Variants in TAMM41 observed in about 807,000 individuals in gnomAD.
TAMM41 encodes the protein TAM41 mitochondrial translocator assembly and maintenance homolog, also known as phosphatidate cytidylyltransferase, mitochondrial.
TAMM41 carries 36 observed loss-of-function variants against 44.1 expected under a neutral mutation model. That is an observed-to-expected ratio of 0.82 (90% confidence interval 0.63 to 1.08). The LOEUF is 1.08. TAMM41 is among the 50% of genes least tolerant of loss of function. The pLI is 0.00. For missense variants in TAMM41, 417 were observed against 404.3 expected, an observed-to-expected ratio of 1.03 and a Z score of -0.27; for synonymous variants, 164 against 153.1, an observed-to-expected ratio of 1.07 and a Z score of -0.53.
intron 2 of TAMM41, among the ~76,000 whole-genome samples, chr3:11,841,553 A>C (rs577963181): frequency 2.6e-5 from 4 of 152,360 alleles, no homozygotes; most frequent in Middle Eastern, 3.4e-3. Flanking sequence ...TCAATTAAAA[A>C]GTAGTCTTTT....
At chr3:11,766,889 A>C in the TAMM41 span, among the ~76,000 whole-genome samples, 1 of 152,040 alleles carries the variant, frequency 6.6e-6, no homozygotes. Flanking sequence ...TTTTAAATTA[A>C]GTTTTTTATT....
chr3:11,815,311 G>A (rs770511528), intron 5 of TAMM41, among the ~76,000 whole-genome samples: 1 of 152,184 alleles, frequency 6.6e-6, no homozygotes, highest in Non-Finnish European at 1.5e-5. Flanking sequence ...CGGCTGTGCA[G>A]TGAGCTAGAA....
the TAMM41 span, among the ~76,000 whole-genome samples, chr3:11,732,056 G>A: frequency 5.9e-5 from 9 of 151,938 alleles, no homozygotes; most frequent in Non-Finnish European, 1.5e-5. Flanking sequence ...TAGTGGAGGC[G>A]TGGTTTCGCC....
chr3:11,726,533 G>A, the TAMM41 span, among the ~76,000 whole-genome samples: 1 of 152,214 alleles, frequency 6.6e-6, no homozygotes, highest in Non-Finnish European at 1.5e-5. Context: ...CGGGTGCAGT[G>A]GCTCATGCCT....
At chr3:11,745,628 A>G in the TAMM41 span, among the ~76,000 whole-genome samples, 3 of 152,218 alleles carry the variant, frequency 2.0e-5, no homozygotes, top group Non-Finnish European at 4.4e-5. Flanking sequence ...TAGAGTAGTC[A>G]AATTCATAGA....
At chr3:11,803,470 T>C (rs2077814597) in intron 7 of TAMM41, among the ~76,000 whole-genome samples, 1 of 152,200 alleles carries the variant, frequency 6.6e-6, no homozygotes, top group Non-Finnish European at 1.5e-5. Context: ...TTGAAGGGAA[T>C]CTAAATTAGT....
intron 1 of TAMM41, chr3:11,845,226 T>G (rs1448909079): frequency 6.0e-6 from 2 of 333,696 alleles, no homozygotes; most frequent in Non-Finnish European, 1.2e-5. Context: ...GAATTAGATC[T>G]GAAGCCATGG....
At chr3:11,728,750 T>A in the TAMM41 span, among the ~76,000 whole-genome samples, 1 of 152,184 alleles carries the variant, frequency 6.6e-6, no homozygotes, top group African/African-American at 2.4e-5. Context: ...AACTCACGCC[T>A]GAAATCCCAG....
intron 4 of TAMM41, among the ~76,000 whole-genome samples, chr3:11,821,524 C>A (rs2078518878): frequency 6.6e-6 from 1 of 152,222 alleles, no homozygotes; most frequent in African/African-American, 2.4e-5. Context: ...GCTGTCAATA[C>A]AAATGAAGCT....
chr3:11,826,068 G>A (rs1286196223), intron 4 of TAMM41, among the ~76,000 whole-genome samples: 2 of 152,172 alleles, frequency 1.3e-5, no homozygotes, highest in Admixed American at 1.3e-4. Context: ...ATTCACAGCA[G>A]TGTTGCTAAT....
intron 7 of TAMM41, among the ~76,000 whole-genome samples, chr3:11,804,253 A>G (rs1183057586): frequency 6.6e-6 from 1 of 151,766 alleles, no homozygotes; most frequent in Non-Finnish European, 1.5e-5. Flanking sequence ...AGGTGTCAAG[A>G]AGATCTTTTT....
At chr3:11,818,427 CA>C (rs1336067289) in intron 4 of TAMM41, among the ~76,000 whole-genome samples, 4 of 152,140 alleles carry the variant, frequency 2.6e-5, no homozygotes, top group Non-Finnish European at 5.9e-5. Flanking sequence ...TTATTTGCCA[CA>C]ATGGATTTTC....
chr3:11,829,902 A>G (rs2078914350), intron 3 of TAMM41, 38 bp from the exon 4 acceptor site: 4 of 1,603,030 alleles, frequency 2.5e-6, no homozygotes, highest in African/African-American at 1.3e-5. Context: ...AAATTCCAGA[A>G]GTGGAGTATT....
chr3:11,743,354 G>A, the TAMM41 span, among the ~76,000 whole-genome samples: 1 of 141,352 alleles, frequency 7.1e-6, no homozygotes, highest in Admixed American at 7.1e-5. Flanking sequence ...TTTTTTTTAA[G>A]AGGAAGTCTC....
At chr3:11,740,058 T>C in the TAMM41 span, among the ~76,000 whole-genome samples, 2 of 151,562 alleles carry the variant, frequency 1.3e-5, no homozygotes, top group Non-Finnish European at 2.9e-5. Context: ...TTGGAGACTC[T>C]GGAAAACCAC....
intron 3 of TAMM41, 132 bp from the exon 4 acceptor site, chr3:11,829,996 C>G: frequency 1.2e-6 from 1 of 814,392 alleles, no homozygotes; most frequent in Non-Finnish European, 1.9e-6. Context: ...TCAGGTGACA[C>G]AAAATTGTTC....
intron 7 of TAMM41, among the ~76,000 whole-genome samples, chr3:11,801,814 A>G (rs1423336679): frequency 2.0e-5 from 3 of 152,174 alleles, no homozygotes; most frequent in Admixed American, 1.3e-4. Flanking sequence ...AACGAAAACT[A>G]TAACAAGAAA....
chr3:11,820,744 A>G (rs2078487585), intron 4 of TAMM41, among the ~76,000 whole-genome samples: 1 of 152,206 alleles, frequency 6.6e-6, no homozygotes. Context: ...ATTTGTTTTC[A>G]ACAAAACTAC....
chr3:11,807,205 G>A (rs1286214260), intron 7 of TAMM41: 1 of 1,410,968 alleles, frequency 7.1e-7, no homozygotes, highest in Admixed American at 3.1e-5. Flanking sequence ...ATGCAGGGAA[G>A]GAAAGGTGTA....
Sources: gnomAD v4.1 joint callset for allele counts (sites outside exome capture counted in the v4.1 genomes callset) on GRCh38, gnomAD v4.1.1 for gene constraint, MANE v1.5 for transcripts, NCBI Gene and HGNC (gene_info 2026-07-23, HGNC 2026-07-21) for gene names.